The following ATE1 variants were observed in gnomAD, a reference collection of about 807,000 sequenced individuals.
ATE1 encodes the protein arginyltransferase 1.
In ATE1, 36 loss-of-function variants were observed where a neutral mutation model predicts 70.5. That is an observed-to-expected ratio of 0.51 (90% CI 0.39 to 0.67). The LOEUF (loss-of-function observed/expected upper bound fraction) is 0.67, where lower values mean the gene tolerates loss of function less well. Ranked by LOEUF, ATE1 falls within the 30% of genes least tolerant of loss-of-function variation. The pLI, the probability that ATE1 is intolerant of heterozygous loss-of-function variation, is 0.00. For synonymous variants in ATE1, 232 were observed against 219.3 expected (o/e 1.06, Z -0.51); for missense variants, 593 against 629.5 (o/e 0.94, Z 0.62).
chr10:121,795,598 T>G (rs1176671632), intron 10 of ATE1, among the ~76,000 whole-genome samples: 3 of 152,246 alleles, frequency 2.0e-5, no homozygotes. Flanking sequence ...GCTCATCATC[T>G]GAAATCACGT....
intron 10 of ATE1, among the ~76,000 whole-genome samples, chr10:121,832,455 C>T (rs1200722980): frequency 6.6e-6 from 1 of 152,194 alleles, no homozygotes; most frequent in Non-Finnish European, 1.5e-5. Flanking sequence ...ACCTAAATCT[C>T]ATCTTGAATT....
Position 121,806,655 on chromosome 10 carries a change from T to A in ATE1, c.1258-16366A>T, listed in dbSNP as rs1439422257. On this transcript the variant is annotated intron_variant, in intron 10 of 11. Transcript: ENST00000224652. ...GCAGTTAGGTGTGAGAATATCCTTG[T>A]TCTCAGATCCAAGCTGATGTACTTG... Among the ~76,000 whole-genome samples the A allele has an allele frequency of 4.6e-5, 7 of 152,198 alleles. No individual in the cohort carries two copies. The East Asian group carries it at 1.2e-3, about 25-fold the overall frequency.
At position 121,754,301 on chromosome 10, in the gene ATE1, C is replaced by T. The variant is rs550345582; in HGVS notation, c.1379-10443G>A. Among the ~76,000 whole-genome samples, 33 of 152,164 alleles carry T rather than the reference C, an allele frequency of 2.2e-4. No individual in the cohort carries two copies. In the South Asian group the frequency reaches 6.2e-3, roughly 29 times the overall value. On this transcript the variant is annotated intron_variant, in intron 11 of 11. Transcript: ENST00000224652. ...AAAAATAACTAGGGCTCCTTGGAGACGTGACTAATTATAGAACTGAGTCAG... is the reference window on the plus strand; with the variant it reads ...AAAAATAACTAGGGCTCCTTGGAGATGTGACTAATTATAGAACTGAGTCAG...
chr10:121,852,317 G>A (rs1405358264), intron 8 of ATE1, among the ~76,000 whole-genome samples: 1 of 152,176 alleles, frequency 6.6e-6, no homozygotes, highest in East Asian at 1.9e-4. Context: ...ACAGTTAATG[G>A]AGGCACCCAA....
chr10:121,927,812 G>C (rs1282384447), intron 1 of ATE1, 32 bp downstream of exon 1: 1 of 1,535,456 alleles, frequency 6.5e-7, no homozygotes, highest in African/African-American at 1.4e-5. Context: ...CGGGCGCCCG[G>C]CTTCCCACGC....
chr10:121,856,769 T>G (rs1286677216), intron 8 of ATE1, among the ~76,000 whole-genome samples: 1 of 152,204 alleles, frequency 6.6e-6, no homozygotes, highest in Non-Finnish European at 1.5e-5. Context: ...ACCAAAAGAC[T>G]TGTTCAACAT....
intron 11 of ATE1, among the ~76,000 whole-genome samples, chr10:121,770,998 C>T (rs1278060463): frequency 6.6e-6 from 1 of 152,102 alleles, no homozygotes; most frequent in African/African-American, 2.4e-5. Context: ...AAACAAACCA[C>T]CAAATTAGAT....
rs1432763525 is a variant in ATE1 at position 121,743,845 on chromosome 10, G to A, written c.1392C>T (p.Arg464=). The change falls in exon 12 of 12, where the codon CGC becomes CGT. Residue 464 remains arginine, a synonymous_variant. Coordinates refer to ENST00000224652, the MANE Select transcript of ATE1 (RefSeq NM_001001976.3). Reference sequence around the variant, plus strand: ...CCTGCAATCGGTCAGGTTCCGTACTGCGATCCTCATCCACTGCAACGACAA... The same window carrying A: ...CCTGCAATCGGTCAGGTTCCGTACTACGATCCTCATCCACTGCAACGACAA... ...NQDPEAVDED[R]STEPDRLQVF... is the part of the protein sequence containing the mutation. The A allele has an allele frequency of 6.2e-7, 1 of 1,606,632 alleles. No individual in the cohort carries two copies. The highest frequency in any genetic ancestry group is 1.1e-5 in the South Asian group (1 of 89,706).
At chr10:121,838,263 C>G (rs1948500572) in intron 9 of ATE1, among the ~76,000 whole-genome samples, 1 of 151,986 alleles carries the variant, frequency 6.6e-6, no homozygotes, top group African/African-American at 2.4e-5. Flanking sequence ...TAAATAAAAC[C>G]CAACCTCCCC....
intron 10 of ATE1, among the ~76,000 whole-genome samples, chr10:121,829,551 T>C (rs905044299): frequency 1.3e-5 from 2 of 150,942 alleles, no homozygotes; most frequent in African/African-American, 4.9e-5. Flanking sequence ...CTACTAAAAA[T>C]ACAAAAAATT....
At chr10:121,845,750 G>T (rs770221843) in intron 8 of ATE1, among the ~76,000 whole-genome samples, 7 of 152,176 alleles carry the variant, frequency 4.6e-5, no homozygotes, top group Admixed American at 6.5e-5. Flanking sequence ...GGAATTTACA[G>T]ATAAGCAAGG....
intron 10 of ATE1, among the ~76,000 whole-genome samples, chr10:121,832,582 G>A (rs1948282597): frequency 6.6e-6 from 1 of 152,188 alleles, no homozygotes; most frequent in African/African-American, 2.4e-5. Context: ...ATATCTGATG[G>A]TTTTATTAGG....
At chr10:121,924,052 T>C (rs1415269021) in intron 2 of ATE1, among the ~76,000 whole-genome samples, 2 of 152,246 alleles carry the variant, frequency 1.3e-5, no homozygotes, top group Non-Finnish European at 2.9e-5. Context: ...TGATAGGTAC[T>C]TGAGGTTCAT....
At position 121,907,036 on chromosome 10, in the gene ATE1, G is replaced by A. The variant is rs189808406; in HGVS notation, c.583+3870C>T. Among the ~76,000 whole-genome samples, 32 of 152,238 alleles carry A rather than the reference G, an allele frequency of 2.1e-4. 1 individual carries two copies. The East Asian group carries it at 6.0e-3, about 28-fold the overall frequency. On this transcript the variant is annotated intron_variant, in intron 5 of 11. Coordinates refer to ENST00000224652, the MANE Select transcript of ATE1 (RefSeq NM_001001976.3). ...AGTAAGGTTGTTATTCTAAAACTGT[G>A]TAATGTGGGAAAAAGCAAAAGGTTA...
chr10:121,745,236 A>T (rs1407481602), intron 11 of ATE1, among the ~76,000 whole-genome samples: 1 of 152,240 alleles, frequency 6.6e-6, no homozygotes, highest in African/African-American at 2.4e-5. Context: ...CAATGTTTTC[A>T]CTGACTCAAT....
chr10:121,927,988 G>T lies in ATE1; in HGVS notation c.-39C>A. On this transcript the variant is annotated 5_prime_UTR_variant, in exon 1 of 12. Coordinates refer to ENST00000224652, the MANE Select transcript of ATE1 (RefSeq NM_001001976.3). ...CGAACGCTCAGCCGCCCGGCCCCGC[G>T]TCGCTAGCGCGGCCGCCGCCGCCAC... The T allele has an allele frequency of 1.4e-6, 2 of 1,433,100 alleles. No individual in the cohort carries two copies. The highest frequency in any genetic ancestry group is 1.8e-6 in the Non-Finnish European group (2 of 1,090,494). The allele number at this position is 1,433,100 out of a possible 1,614,324, so 88.8% of individuals were successfully genotyped here.
At chr10:121,808,902 T>C (rs1947204357) in intron 10 of ATE1, among the ~76,000 whole-genome samples, 1 of 152,244 alleles carries the variant, frequency 6.6e-6, no homozygotes. Flanking sequence ...TCTGAACTTT[T>C]TCTACTCTAT....
At chr10:121,770,253 CACACACA>C (rs1052516403) in intron 11 of ATE1, among the ~76,000 whole-genome samples, 1 of 151,318 alleles carries the variant, frequency 6.6e-6, no homozygotes, top group Non-Finnish European at 1.5e-5. Flanking sequence ...CACACACACA[CACACACA>C]CACACACACA....
At chr10:121,792,356 G>T (rs978045956) in intron 10 of ATE1, among the ~76,000 whole-genome samples, 1 of 152,144 alleles carries the variant, frequency 6.6e-6, no homozygotes, top group Non-Finnish European at 1.5e-5. Context: ...AAATGGGAAG[G>T]CTTGTTGGAT....
Sources: gnomAD v4.1 joint callset for allele counts (sites outside exome capture counted in the v4.1 genomes callset) on GRCh38, gnomAD v4.1.1 for gene constraint, MANE v1.5 for transcripts, NCBI Gene and HGNC (gene_info 2026-07-23, HGNC 2026-07-21) for gene names.